PCDHGB3: variants seen among roughly 807,000 people sequenced by gnomAD.
The protein encoded by PCDHGB3 is protocadherin gamma-B3.
Under a neutral mutation model 59.2 loss-of-function variants are expected in PCDHGB3, and 40 were observed. The observed-to-expected ratio is 0.68, with a 90% CI of 0.52 to 0.88. PCDHGB3 has a LOEUF of 0.88. Ranked by LOEUF, PCDHGB3 falls within the 40% of genes least tolerant of loss-of-function variation. The probability of loss-of-function intolerance (pLI) is 0.00; values close to 1 mark genes in which losing one functional copy is unlikely to be tolerated. For missense variants in PCDHGB3, 1,309 were observed against 1,187.9 expected (o/e 1.10, Z -1.50); for synonymous variants, 581 against 503.6 (o/e 1.15, Z -2.06).
Position 141,511,403 on chromosome 5 carries a change from AC to A in PCDHGB3, c.*231del. ...TCCGCTGGGAACCCCCATCCAATCA[AC>A]TGCTGTACCCATGGGGGTAGTGGGG... is the stretch of plus-strand genomic sequence containing the variant. On this transcript the variant is annotated 3_prime_UTR_variant, in exon 4 of 4. Coordinates refer to ENST00000576222, the MANE Select transcript of PCDHGB3 (RefSeq NM_018924.5). 1.1e-6 allele frequency: 1 copy of A among 939,022 alleles called. No homozygotes were observed. The highest frequency in any genetic ancestry group is 1.5e-6 in the Non-Finnish European group (1 of 650,838). The allele number at this position is 939,022 out of a possible 1,614,324, so 58.2% of individuals were successfully genotyped here. A position where few individuals can be genotyped will look rare whatever the true frequency, so the allele number is the denominator to read the frequency against.
intron 1 of PCDHGB3, chr5:141,415,357 C>T: frequency 6.2e-7 from 1 of 1,614,250 alleles, no homozygotes; most frequent in Non-Finnish European, 8.5e-7. Context: ...CAAGTCACGC[C>T]TGCTGCAGGC....
At chr5:141,423,107 T>G (rs1590430250) in intron 1 of PCDHGB3, 1 of 1,613,696 alleles carries the variant, frequency 6.2e-7, no homozygotes, top group East Asian at 2.2e-5. Flanking sequence ...ACGGGCGAGG[T>G]GCGTACAGCG....
chr5:141,434,429 C>T (rs1379210960), intron 1 of PCDHGB3, among the ~76,000 whole-genome samples: 2 of 152,152 alleles, frequency 1.3e-5, no homozygotes, highest in Admixed American at 6.5e-5. Flanking sequence ...TCATGATGGC[C>T]GTAATGCCCA....
At position 141,489,852 on chromosome 5, in the gene PCDHGB3, C is replaced by G. The variant is rs1197191101; in HGVS notation, c.2416-4955C>G. ...TAGAGCAGCAGCTGGATCGTGAAGC[C>G]CAGGCAAGACATCAGCTGGTGCTTA... On this transcript the variant is annotated intron_variant, in intron 1 of 3. Transcript: ENST00000576222. This position sits in a 1 kb window ranked among gnomAD's most constrained non-coding sequence, Gnocchi z 4.5. The G allele has an allele frequency of 6.2e-7, 1 of 1,614,034 alleles. No homozygotes were observed. Among genetic ancestry groups the G allele is most frequent in the Admixed American group, 1.7e-5 (1 of 60,004 alleles).
At position 141,372,283 on chromosome 5, in the gene PCDHGB3, G is replaced by A. The variant is rs749946527; in HGVS notation, c.1889G>A (p.Arg630His). The change falls in exon 1 of 4, where the codon CGT becomes CAT. Residue 630 changes from arginine to histidine, a missense_variant. Transcript: ENST00000576222. ...CGCACGGGTGAGGTGCGCACGGCGC[G>A]TACCTTGGGCGACAGGGAGGCCGCC... ...GLRTGEVRTA[R>H]TLGDREAARQ... 3.1e-6 allele frequency: 5 copies of A among 1,613,198 alleles called. No homozygotes were observed. The highest frequency in any genetic ancestry group is 4.2e-6 in the Non-Finnish European group (5 of 1,179,864).
intron 1 of PCDHGB3, 41 bp from the exon 2 acceptor site, chr5:141,494,766 C>T (rs1017994327): frequency 6.2e-7 from 1 of 1,614,038 alleles, no homozygotes; most frequent in Non-Finnish European, 8.5e-7. Flanking sequence ...ATTCTAACTT[C>T]TCACGGGTAC....
chr5:141,384,609 T>C (rs967686346), intron 1 of PCDHGB3: 1 of 1,614,148 alleles, frequency 6.2e-7, no homozygotes, highest in South Asian at 1.1e-5. Context: ...TCCCCACAGA[T>C]GGTTCTACTG....
At position 141,370,245 on chromosome 5, in the gene PCDHGB3, C is replaced by G. The variant is rs1766766732; in HGVS notation, c.-150C>G. ...GCAGCCAGCTCGGAAGAAAAGTGCACTCTCTATCAGGCTTCCTGCAGCGGA... is the reference window on the plus strand; with the variant it reads ...GCAGCCAGCTCGGAAGAAAAGTGCAGTCTCTATCAGGCTTCCTGCAGCGGA... On this transcript the variant is annotated 5_prime_UTR_variant, in exon 1 of 4. Transcript: ENST00000576222. 1 of 646,036 alleles carries G rather than the reference C, an allele frequency of 1.5e-6. No individual in the cohort carries two copies. The highest frequency in any genetic ancestry group is 2.5e-6 in the Non-Finnish European group (1 of 402,430). The allele number at this position is 646,036 out of a possible 1,614,324, so 40.0% of individuals were successfully genotyped here. A position where few individuals can be genotyped will look rare whatever the true frequency, so the allele number is the denominator to read the frequency against.
chr5:141,413,081 C>A, intron 1 of PCDHGB3: 2 of 1,339,424 alleles, frequency 1.5e-6, no homozygotes, highest in Non-Finnish European at 2.0e-6. Context: ...GCCCAGGCTA[C>A]AGAGACACCC....
rs1039645331 is a variant in PCDHGB3, at chr5:141,420,373, T to C, written c.2415+47564T>C. ...TTTAAGATTCTAGATAACTTCTTCA[T>C]AGAGTTCGCAAAATATAGGTCAAAT... is the stretch of plus-strand genomic sequence containing the variant. On this transcript the variant is annotated intron_variant, in intron 1 of 3. Coordinates refer to ENST00000576222, the MANE Select transcript of PCDHGB3 (RefSeq NM_018924.5). 21 of 1,337,592 alleles carry C rather than the reference T, an allele frequency of 1.6e-5. No homozygotes were observed. In the African/African-American group the frequency reaches 2.4e-4, roughly 15 times the overall value. The allele number at this position is 1,337,592 out of a possible 1,614,324, so 82.9% of individuals were successfully genotyped here. A position where few individuals can be genotyped will look rare whatever the true frequency, so the allele number is the denominator to read the frequency against.
In PCDHGB3 at chr5:141,489,104, A is replaced by C; in HGVS notation, c.2416-5703A>C. The stretch of plus-strand genomic sequence containing the variant: ...CCACTCGGTGACTAAGAACTGCTGC[A>C]AGCAGGCAAACCTCCGAGCAGTTTT... On this transcript the variant is annotated intron_variant, in intron 1 of 3. Coordinates refer to ENST00000576222, the MANE Select transcript of PCDHGB3 (RefSeq NM_018924.5). The surrounding 1 kb of genome is among the most constrained non-coding windows in gnomAD (Gnocchi z 4.5). 2.5e-6 allele frequency: 1 copy of C among 405,816 alleles called. No individual in the cohort carries two copies. Among genetic ancestry groups the C allele is most frequent in the Non-Finnish European group, 4.3e-6 (1 of 232,372 alleles). 25.1% of individuals were successfully genotyped at this position (405,816 alleles called of 1,614,324 possible). A position where few individuals can be genotyped will look rare whatever the true frequency, so the allele number is the denominator to read the frequency against.
Position 141,477,685 on chromosome 5 carries a change from G to A in PCDHGB3, c.2416-17122G>A, listed in dbSNP as rs1218415502. ...ACAATGGCATAGTGTCATCCTTAGT[G>A]CCCCTAGACTATGAGGATCGGCGGG... On this transcript the variant is annotated intron_variant, in intron 1 of 3. Transcript: ENST00000576222. This position sits in a 1 kb window ranked among gnomAD's most constrained non-coding sequence, Gnocchi z 4.9. The A allele has an allele frequency of 6.2e-7, 1 of 1,614,116 alleles. No individual in the cohort carries two copies. The highest frequency in any genetic ancestry group is 8.5e-7 in the Non-Finnish European group (1 of 1,180,040).
intron 1 of PCDHGB3, chr5:141,390,359 C>T: frequency 1.3e-6 from 2 of 1,538,574 alleles, no homozygotes; most frequent in Admixed American, 1.9e-5. Flanking sequence ...TACATATTTG[C>T]AGGAAAATAT....
chr5:141,390,398 A>G, intron 1 of PCDHGB3: 1 of 1,365,554 alleles, frequency 7.3e-7, no homozygotes, highest in Non-Finnish European at 1.0e-6. Flanking sequence ...GGATCATTTT[A>G]GGAAAGTTGT....
At position 141,493,906 on chromosome 5, in the gene PCDHGB3, G is replaced by A. The variant is rs2099750764; in HGVS notation, c.2416-901G>A. ...CTCTAGGAGTGCTCCATGAGAGTGT[G>A]TGATGGGATAACACACCCCCTGGAA... is the stretch of plus-strand genomic sequence containing the variant. On this transcript the variant is annotated intron_variant, in intron 1 of 3. Transcript: ENST00000576222. The surrounding 1 kb of genome is among the most constrained non-coding windows in gnomAD (Gnocchi z 4.3). Among the ~76,000 whole-genome samples the A allele has an allele frequency of 6.6e-6, 1 of 152,200 alleles. No individual in the cohort carries two copies. Among genetic ancestry groups the A allele is most frequent in the Non-Finnish European group, 1.5e-5 (1 of 68,032 alleles).
At chr5:141,404,703 C>T (rs545479443) in intron 1 of PCDHGB3, 3 of 1,614,124 alleles carry the variant, frequency 1.9e-6, no homozygotes, top group African/African-American at 2.7e-5. Flanking sequence ...TCTGCAGAGC[C>T]TGGCTACCTG....
chr5:141,486,253 C>G lies in PCDHGB3; in HGVS notation c.2416-8554C>G. On this transcript the variant is annotated intron_variant, in intron 1 of 3. Coordinates refer to ENST00000576222, the MANE Select transcript of PCDHGB3 (RefSeq NM_018924.5). The surrounding 1 kb of genome is among the most constrained non-coding windows in gnomAD (Gnocchi z 5.0). Reference sequence around the variant, plus strand: ...TGACCTCAGAGCTTGGAACCCTCCCCGAGAGTGCAGAACCTGGCACTGTGG... The same window carrying G: ...TGACCTCAGAGCTTGGAACCCTCCCGGAGAGTGCAGAACCTGGCACTGTGG... The G allele has an allele frequency of 6.2e-7, 1 of 1,614,138 alleles. No homozygotes were observed. Among genetic ancestry groups the G allele is most frequent in the East Asian group, 2.2e-5 (1 of 44,866 alleles).
At chr5:141,376,294 C>A in intron 1 of PCDHGB3, 4 of 1,614,226 alleles carry the variant, frequency 2.5e-6, no homozygotes, top group Non-Finnish European at 3.4e-6. Flanking sequence ...GCATGCCCGG[C>A]TCGCACTTTG....
intron 1 of PCDHGB3, chr5:141,422,697 C>T (rs1406213402): frequency 3.7e-6 from 6 of 1,603,284 alleles, no homozygotes; most frequent in South Asian, 1.1e-5. Flanking sequence ...TGGTCACTTA[C>T]TCTCTGACGG....
Sources: allele counts gnomAD v4.1 joint callset (sites outside exome capture counted in the v4.1 genomes callset), GRCh38; gene constraint gnomAD v4.1.1; non-coding constraint Gnocchi (gnomAD v3.1); transcripts MANE v1.5; gene names NCBI Gene and HGNC (gene_info 2026-07-23, HGNC 2026-07-21).